KCNK9: variants seen among roughly 807,000 people sequenced by gnomAD.
KCNK9 encodes the protein potassium two pore domain channel subfamily K member 9.
In KCNK9, 1 loss-of-function variant was observed where a neutral mutation model predicts 10.8. That is an observed-to-expected ratio of 0.09 (90% CI 0.03 to 0.44). KCNK9 has a LOEUF of 0.44. Ranked by LOEUF, KCNK9 falls within the 20% of genes least tolerant of loss-of-function variation. The pLI, the probability that KCNK9 is intolerant of heterozygous loss-of-function variation, is 0.97. For missense variants in KCNK9, 303 were observed against 515.0 expected, an observed-to-expected ratio of 0.59 and a Z score of 3.98; for synonymous variants, 231 against 222.7, an observed-to-expected ratio of 1.04 and a Z score of -0.33.
At chr8:139,612,276 T>C (rs1013228329), downstream of KCNK9, 2 of 152,228 alleles carry the variant, frequency 1.3e-5, no homozygotes, top group African/African-American at 4.8e-5. Flanking sequence ...ATAGCAGCAC[T>C]GAGAAGGCTA....
chr8:139,633,648 A>G lies in KCNK9; in HGVS notation c.284-14549T>C, dbSNP rs901880601. Reference sequence around the variant, plus strand: ...CCGGCTCTCCCAGGCCCTCCCTTACATAACAGCAACCTGAGGTGTCTCCAA... The same window carrying G: ...CCGGCTCTCCCAGGCCCTCCCTTACGTAACAGCAACCTGAGGTGTCTCCAA... On this transcript the variant is annotated intron_variant, in intron 1 of 1. Coordinates refer to ENST00000520439, the MANE Select transcript of KCNK9 (RefSeq NM_001282534.2). Among the ~76,000 whole-genome samples the G allele has an allele frequency of 3.3e-5, 5 of 152,158 alleles. No homozygotes were observed. In the East Asian group the frequency reaches 7.7e-4, roughly 23 times the overall value.
intron 1 of KCNK9, among the ~76,000 whole-genome samples, chr8:139,669,155 A>T (rs1816370650): frequency 6.6e-6 from 1 of 152,116 alleles, no homozygotes; most frequent in South Asian, 2.1e-4. Context: ...AGCCTTGAGC[A>T]AGTTATAATT....
chr8:139,629,472 C>T (rs182868902), intron 1 of KCNK9, among the ~76,000 whole-genome samples: 76 of 152,356 alleles, frequency 5.0e-4, no homozygotes, highest in Middle Eastern at 3.4e-3. Context: ...AGTGGATAGA[C>T]GCCTAAACAA....
intron 1 of KCNK9, among the ~76,000 whole-genome samples, chr8:139,671,487 C>T (rs1342389037): frequency 1.3e-5 from 2 of 150,496 alleles, no homozygotes; most frequent in East Asian, 2.0e-4. Context: ...CACTTGCTGG[C>T]GTTCATTCTT....
In KCNK9 at chr8:139,702,791, G is replaced by T. The variant is rs1438361777; in HGVS notation, c.202C>A (p.Gln68Lys). The change falls in exon 1 of 2, where the codon CAG (glutamine) becomes AAG (lysine). Residue 68 changes from glutamine to lysine, a missense_variant. Around this residue, in one of 5 missense-constraint regions of KCNK9, gnomAD observed 58 missense variants for 102.4 expected, o/e 0.57. Coordinates refer to ENST00000520439, the MANE Select transcript of KCNK9 (RefSeq NM_001282534.2). This position sits in a 1 kb window ranked among gnomAD's most constrained non-coding sequence, Gnocchi z 7.5. The part of the protein sequence containing the change: ...DYRQLELVIL[Q>K]SEPHRAGVQW... Reference sequence around the variant, plus strand: ...ACGCCGGCGCGGTGCGGTTCCGACTGCAGGATCACCAGCTCCAGCTGCCGG... The same window carrying T: ...ACGCCGGCGCGGTGCGGTTCCGACTTCAGGATCACCAGCTCCAGCTGCCGG... The T allele has an allele frequency of 1.9e-6, 3 of 1,613,810 alleles. No individual in the cohort carries two copies. The highest frequency in any genetic ancestry group is 3.3e-5 in the Admixed American group (2 of 60,028).
chr8:139,628,206 C>T (rs924533039), intron 1 of KCNK9, among the ~76,000 whole-genome samples: 2 of 152,210 alleles, frequency 1.3e-5, no homozygotes, highest in Admixed American at 1.3e-4. Context: ...CCACAACATA[C>T]ACGGCTCTCC....
At chr8:139,656,784 G>A (rs1045592772) in intron 1 of KCNK9, among the ~76,000 whole-genome samples, 9 of 152,074 alleles carry the variant, frequency 5.9e-5, no homozygotes, top group African/African-American at 1.9e-4. Context: ...TCTCTCACCC[G>A]GACAGAGGCC....
intron 1 of KCNK9, among the ~76,000 whole-genome samples, chr8:139,651,812 G>T (rs1439340657): frequency 1.3e-5 from 2 of 152,180 alleles, no homozygotes; most frequent in Non-Finnish European, 2.9e-5. Context: ...AATTACACAG[G>T]ATTGCTGTAT....
At chr8:139,677,144 C>T (rs756078725) in intron 1 of KCNK9, among the ~76,000 whole-genome samples, 6 of 152,024 alleles carry the variant, frequency 3.9e-5, no homozygotes, top group African/African-American at 1.2e-4. Context: ...AGTTGGTGGC[C>T]GCAGGGGACC....
At chr8:139,680,838 G>C (rs1205329229) in intron 1 of KCNK9, among the ~76,000 whole-genome samples, 2 of 152,106 alleles carry the variant, frequency 1.3e-5, no homozygotes, top group African/African-American at 4.8e-5. Context: ...CCCTCTCTCT[G>C]ATCCCAAGGT....
rs79837497 is a variant in KCNK9, at chr8:139,665,217, C to T, written c.283+37493G>A. Among the ~76,000 whole-genome samples the T allele has an allele frequency of 7.5e-3, 1,145 of 152,262 alleles. 12 individuals are homozygous for T. The highest frequency in any genetic ancestry group is 0.026 in the African/African-American group (1,093 of 41,542). On this transcript the variant is annotated intron_variant, in intron 1 of 1. Transcript: ENST00000520439. ...GGCTGCCTACCTTCTGAGGGCCATC[C>T]GGGAGAGGTCACTCCCTGCTTTTTC...
intron 1 of KCNK9, among the ~76,000 whole-genome samples, chr8:139,648,163 A>G (rs1815748358): frequency 6.6e-6 from 1 of 152,310 alleles, no homozygotes; most frequent in South Asian, 2.1e-4. Flanking sequence ...AAAGCCACAC[A>G]TGAAAGGTTG....
chr8:139,672,983 C>A (rs975279392), intron 1 of KCNK9, among the ~76,000 whole-genome samples: 7 of 152,130 alleles, frequency 4.6e-5, no homozygotes, highest in South Asian at 2.1e-4. Context: ...GACAAGAAGG[C>A]GAGAGGAACA....
intron 1 of KCNK9, among the ~76,000 whole-genome samples, chr8:139,631,662 A>G (rs1815178032): frequency 1.3e-5 from 2 of 152,188 alleles, no homozygotes; most frequent in African/African-American, 2.4e-5. Context: ...AAAAATTTTT[A>G]GAAATACTAC....
intron 1 of KCNK9, among the ~76,000 whole-genome samples, chr8:139,620,865 A>C (rs538119054): frequency 2.0e-5 from 3 of 152,210 alleles, no homozygotes; most frequent in Admixed American, 2.0e-4. Flanking sequence ...AAATTATCCA[A>C]TCTGAAGAGC....
At chr8:139,671,015 C>A (rs921466642) in intron 1 of KCNK9, among the ~76,000 whole-genome samples, 47 of 152,228 alleles carry the variant, frequency 3.1e-4, no homozygotes, top group African/African-American at 9.9e-4. Flanking sequence ...GAGAACCTCG[C>A]TCTGTTCTAC....
In KCNK9 at chr8:139,702,568, A is replaced by G. The variant is rs1817254625; in HGVS notation, c.283+142T>C. ...GCCGCGGAGGGGGGGCTCCCTAGAGAGGAGGGGGCGCTGCGGGAAGGCCCC... is the reference window on the plus strand; with the variant it reads ...GCCGCGGAGGGGGGGCTCCCTAGAGGGGAGGGGGCGCTGCGGGAAGGCCCC... On this transcript the variant is annotated intron_variant, in intron 1 of 1. Transcript: ENST00000520439. This position sits in a 1 kb window ranked among gnomAD's most constrained non-coding sequence, Gnocchi z 7.5. 2.4e-6 allele frequency: 2 copies of G among 832,898 alleles called. No individual in the cohort carries two copies. Among genetic ancestry groups the G allele is most frequent in the South Asian group, 1.8e-5 (1 of 54,546 alleles). 51.6% of individuals were successfully genotyped at this position (832,898 alleles called of 1,614,324 possible).
Position 139,702,570 on chromosome 8 carries a change from GA to G in KCNK9, c.283+139del. Reference sequence around the variant, plus strand: ...CGCGGAGGGGGGGCTCCCTAGAGAGGAGGGGGCGCTGCGGGAAGGCCCCCAA... The same window carrying G: ...CGCGGAGGGGGGGCTCCCTAGAGAGGGGGGGCGCTGCGGGAAGGCCCCCAA... On this transcript the variant is annotated intron_variant, in intron 1 of 1. Transcript: ENST00000520439. The surrounding 1 kb of genome is among the most constrained non-coding windows in gnomAD (Gnocchi z 7.5). 2.3e-6 allele frequency: 2 copies of G among 852,310 alleles called. No homozygotes were observed. Among genetic ancestry groups the G allele is most frequent in the Non-Finnish European group, 3.5e-6 (2 of 569,088 alleles). 52.8% of individuals were successfully genotyped at this position (852,310 alleles called of 1,614,324 possible). A position where few individuals can be genotyped will look rare whatever the true frequency, so the allele number is the denominator to read the frequency against.
chr8:139,700,236 T>C (rs1817173652), intron 1 of KCNK9, among the ~76,000 whole-genome samples: 1 of 152,224 alleles, frequency 6.6e-6, no homozygotes, highest in African/African-American at 2.4e-5. Flanking sequence ...CCGGCCACAC[T>C]GTGCCTGGCA....
Sources: allele counts gnomAD v4.1 joint callset (sites outside exome capture counted in the v4.1 genomes callset), GRCh38; gene constraint gnomAD v4.1.1; regional missense constraint gnomAD v4.1.1; non-coding constraint Gnocchi (gnomAD v3.1); transcripts MANE v1.5; gene names NCBI Gene and HGNC (gene_info 2026-07-23, HGNC 2026-07-21).